METTL27: variants seen among roughly 807,000 people sequenced by gnomAD.
The protein encoded by METTL27 is methyltransferase-like protein 27.
In METTL27, 29 loss-of-function variants were observed where a neutral mutation model predicts 24.5. That is an observed-to-expected ratio of 1.18 (90% CI 0.88 to 1.61). The LOEUF is 1.61. Ranked by LOEUF, METTL27 falls within the 40% of genes most tolerant of loss-of-function variation. The pLI is 0.00. For synonymous variants in METTL27, 138 were observed against 146.8 expected (o/e 0.94, Z 0.43); for missense variants, 341 against 324.3 (o/e 1.05, Z -0.40).
intron 5 of METTL27, among the ~76,000 whole-genome samples, chr7:73,838,572 T>A (rs960204103): frequency 6.6e-6 from 1 of 151,914 alleles, no homozygotes; most frequent in South Asian, 2.1e-4. Flanking sequence ...GGGAGCGCAG[T>A]GAGAGGAGAG....
rs1378804175 is a variant in METTL27 at position 73,840,365 on chromosome 7, G to C, written c.388+49C>G. 5 of 1,550,682 alleles carry C rather than the reference G, an allele frequency of 3.2e-6. No homozygotes were observed. The African/African-American group carries it at 5.5e-5, about 17-fold the overall frequency. ...AGGGATGGAGGATCAGCAAGGGAAA[G>C]GGCTTCATGAGGGTGGGCCTCGGGG... On this transcript the variant is annotated intron_variant, in intron 4 of 5. Transcript: ENST00000297873.
chr7:73,836,238 GC>G (rs1286698862), intron 5 of METTL27, among the ~76,000 whole-genome samples: 1 of 122,796 alleles, frequency 8.1e-6, no homozygotes, highest in Admixed American at 7.8e-5. Context: ...GGGGGCATCA[GC>G]CCCCCGCCCG....
chr7:73,836,082 G>T lies in METTL27; in HGVS notation c.479-1080C>A, dbSNP rs1352102137. 4.6e-5 allele frequency among the ~76,000 whole-genome samples: 7 copies of T among 150,944 alleles called. No individual in the cohort carries two copies. The East Asian group carries it at 1.0e-3, about 22-fold the overall frequency. ...CAGCCACCCCATCCGGGAGGGAGGT[G>T]GGGGGGTCAGCCCCCCGCCCCACCA... On this transcript the variant is annotated intron_variant, in intron 5 of 5. Coordinates refer to ENST00000297873, the MANE Select transcript of METTL27 (RefSeq NM_152559.3).
intron 5 of METTL27, among the ~76,000 whole-genome samples, chr7:73,836,537 G>A (rs1554635307): frequency 2.1e-5 from 1 of 48,684 alleles, no homozygotes; most frequent in Non-Finnish European, 4.0e-5. Context: ...AGGTGGGGGG[G>A]TCAGCCCCCT....
At chr7:73,838,447 G>A (rs1475607636) in intron 5 of METTL27, among the ~76,000 whole-genome samples, 3 of 152,316 alleles carry the variant, frequency 2.0e-5, no homozygotes, top group Admixed American at 6.5e-5. Flanking sequence ...TATAGTGTGC[G>A]TGCCCAGGGT....
chr7:73,842,220 C>G, intron 1 of METTL27, 76 bp from the exon 2 acceptor site: 8 of 1,519,584 alleles, frequency 5.3e-6, no homozygotes, highest in South Asian at 5.1e-5. Context: ...CCCTCCTCCC[C>G]CTTCAGAGGA....
rs1554636190 is a variant in METTL27, at chr7:73,840,521, T to A, written c.281A>T (p.His94Leu). 12 of 1,607,852 alleles carry A rather than the reference T, an allele frequency of 7.5e-6. No homozygotes were observed. Among genetic ancestry groups the A allele is most frequent in the African/African-American group, 2.7e-5 (2 of 74,790 alleles). ...CATCCCTGGGCTCCCATCCACCCCA[T>A]GCAGCTGGAGGAAGCCTGGAGCCCG... ...ELRAPGFLQL[H>L]GVDGSPGMLE... The change falls in exon 4 of 6, where the codon CAT becomes CTT. Residue 94 changes from histidine (H) to leucine (L), a missense_variant. Physicochemically the swap from His to Leu is moderately conservative, Grantham distance 99. Transcript: ENST00000297873.
intron 5 of METTL27, among the ~76,000 whole-genome samples, chr7:73,836,194 C>T (rs1271792754): frequency 4.5e-5 from 2 of 44,864 alleles, no homozygotes; most frequent in Admixed American, 2.2e-4. Context: ...GGTCAGCCCC[C>T]CGCCAGGCCA....
intron 5 of METTL27, among the ~76,000 whole-genome samples, chr7:73,839,423 G>A (rs1788290685): frequency 6.6e-6 from 1 of 152,214 alleles, no homozygotes; most frequent in Non-Finnish European, 1.5e-5. Flanking sequence ...CAGGGTCTGA[G>A]CCCTCTGCCC....
intron 5 of METTL27, among the ~76,000 whole-genome samples, chr7:73,835,403 CGGGG>C (rs1376116711): frequency 6.9e-6 from 1 of 144,370 alleles, no homozygotes; most frequent in African/African-American, 2.6e-5. Context: ...TTGGTGGAGA[CGGGG>C]TTTCGCTGTG....
At position 73,840,419 on chromosome 7, in the gene METTL27, G is replaced by A. The variant is rs530654296; in HGVS notation, c.383C>T (p.Pro128Leu). 501 of 1,577,730 alleles carry A rather than the reference G, an allele frequency of 3.2e-4. 4 individuals are homozygous for A. In the South Asian group the frequency reaches 5.4e-3, roughly 17 times the overall value. Residue 128 changes from proline (P) to leucine (L), a missense_variant, in exon 4 of 6, where the codon CCG becomes CTG. Coordinates refer to ENST00000297873, the MANE Select transcript of METTL27 (RefSeq NM_152559.3). ...CTLGQEPLPS[P>L]EGTFDAVLIV... is the part of the protein sequence containing the mutation. ...GGAGGTGGGAGAGAAAGTACCTTCCGGGCTGGGCAGAGGCTCCTGGCCCAG... is the reference window on the plus strand; with the variant it reads ...GGAGGTGGGAGAGAAAGTACCTTCCAGGCTGGGCAGAGGCTCCTGGCCCAG...
Position 73,834,866 on chromosome 7 carries a change from C to T in METTL27, c.615G>A (p.Trp205Ter), listed in dbSNP as rs202011490. 5 of 1,611,536 alleles carry T rather than the reference C, an allele frequency of 3.1e-6. No individual in the cohort carries two copies. The highest frequency in any genetic ancestry group is 4.2e-6 in the Non-Finnish European group (5 of 1,178,264). ...TCGGAGGTAGCCAGCTCCCAGCGGT[C>T]CACAGGCGGTCCACAGGCCAGGCCA... ...GLVAWPVDRL[W>*]TAGSWLPPSW... The change falls in exon 6 of 6, where the codon TGG becomes TGA. Residue 205 changes from tryptophan (W) to a stop codon, truncating the protein, a stop_gained. Coordinates refer to ENST00000297873, the MANE Select transcript of METTL27 (RefSeq NM_152559.3). LOFTEE classifies it high-confidence loss of function.
intron 3 of METTL27, among the ~76,000 whole-genome samples, 170 bp downstream of exon 3, chr7:73,840,900 G>C (rs1788334545): frequency 6.6e-6 from 1 of 152,196 alleles, no homozygotes; most frequent in Non-Finnish European, 1.5e-5. Context: ...GCCCCAAGCT[G>C]TCCTCCTGCC....
rs781853917 is a variant in METTL27, at chr7:73,834,719, C to T, written c.*24G>A. On this transcript the variant is annotated 3_prime_UTR_variant, in exon 6 of 6. Transcript: ENST00000297873. Reference sequence around the variant, plus strand: ...GCTAAGGCCACATGGAGTCAGGGGCCAGCTGGGGGCTGGGGGCTGGATCTC... The same window carrying T: ...GCTAAGGCCACATGGAGTCAGGGGCTAGCTGGGGGCTGGGGGCTGGATCTC... 1 of 1,603,154 alleles carries T rather than the reference C, an allele frequency of 6.2e-7. No individual in the cohort carries two copies. Among genetic ancestry groups the T allele is most frequent in the South Asian group, 1.1e-5 (1 of 89,908 alleles).
chr7:73,840,566 A>C lies in METTL27; in HGVS notation c.253-17T>G. ...AGCCCGCAGCTGGGGTAGGGGTGGG[A>C]GACTCAGTCATGGTTCACACCTGCC... On this transcript the variant is annotated splice_polypyrimidine_tract_variant and intron_variant, in intron 3 of 5. Coordinates refer to ENST00000297873, the MANE Select transcript of METTL27 (RefSeq NM_152559.3). 1 of 1,568,110 alleles carries C rather than the reference A, an allele frequency of 6.4e-7. No homozygotes were observed. The highest frequency in any genetic ancestry group is 1.2e-5 in the South Asian group (1 of 83,408).
intron 5 of METTL27, 192 bp downstream of exon 5, chr7:73,839,839 C>T: frequency 7.7e-6 from 4 of 519,468 alleles, no homozygotes; most frequent in Non-Finnish European, 1.3e-5. Context: ...CCGAGCTGGC[C>T]ACCTGTCTGC....
chr7:73,840,140 GGTGGGGACAT>G lies in METTL27; in HGVS notation c.389-30_389-21del. On this transcript the variant is annotated intron_variant, in intron 4 of 5. Transcript: ENST00000297873. ...AGGTCCCTGTGTGTGTGTGGGGGGG[GGTGGGGACAT>G]GGTGTGATGCTTGGAAGGTACTTTG... 1 of 1,437,880 alleles carries G rather than the reference GGTGGGGACAT, an allele frequency of 7.0e-7. No individual in the cohort carries two copies. The highest frequency in any genetic ancestry group is 9.6e-7 in the Non-Finnish European group (1 of 1,041,796). 89.1% of individuals were successfully genotyped at this position (1,437,880 alleles called of 1,614,324 possible).
At chr7:73,840,220 C>T in intron 4 of METTL27, 100 bp from the exon 5 acceptor site, 5 of 1,463,662 alleles carry the variant, frequency 3.4e-6, no homozygotes, top group Non-Finnish European at 4.6e-6. Context: ...GACGAGGCTA[C>T]TACCCGCATC....
chr7:73,840,131 G>T lies in METTL27; in HGVS notation c.389-11C>A, dbSNP rs781926215. On this transcript the variant is annotated splice_polypyrimidine_tract_variant and intron_variant, in intron 4 of 5. Transcript: ENST00000297873. ...CCGCGTCGAAGGTCCCTGTGTGTGTGTGGGGGGGGGTGGGGACATGGTGTG... is the reference window on the plus strand; with the variant it reads ...CCGCGTCGAAGGTCCCTGTGTGTGTTTGGGGGGGGGTGGGGACATGGTGTG... 1.4e-6 allele frequency: 2 copies of T among 1,462,338 alleles called. No homozygotes were observed. Among genetic ancestry groups the T allele is most frequent in the East Asian group, 2.5e-5 (1 of 40,340 alleles). The allele number at this position is 1,462,338 out of a possible 1,614,324, so 90.6% of individuals were successfully genotyped here.
Sources: gnomAD v4.1 joint callset for allele counts (sites outside exome capture counted in the v4.1 genomes callset) on GRCh38, gnomAD v4.1.1 for gene constraint, MANE v1.5 for transcripts, NCBI Gene and HGNC (gene_info 2026-07-23, HGNC 2026-07-21) for gene names.